Variants in DOC2B observed in about 807,000 individuals in gnomAD.
The protein encoded by DOC2B is double C2-like domain-containing protein beta.
A neutral mutation model predicts 28.9 loss-of-function variants in DOC2B; 21 were observed. The observed-to-expected ratio is 0.73, with a 90% CI of 0.52 to 1.05. DOC2B has a LOEUF of 1.05. Ranked by LOEUF, DOC2B falls within the 50% of genes least tolerant of loss-of-function variation. The probability of loss-of-function intolerance (pLI) is 0.00; values close to 1 mark genes in which losing one functional copy is unlikely to be tolerated. For missense variants in DOC2B, 384 were observed against 421.1 expected, an observed-to-expected ratio of 0.91 and a Z score of 0.77; for synonymous variants, 194 against 178.1, an observed-to-expected ratio of 1.09 and a Z score of -0.71.
At chr17:149,029 T>C (rs964805222) in intron 7 of DOC2B, 82 bp downstream of exon 7, 14 of 325,492 alleles carry the variant, frequency 4.3e-5, no homozygotes, top group Admixed American at 2.9e-4. Flanking sequence ...CATCCCGCCA[T>C]GACCTTTTGA....
Position 181,109 on chromosome 17 carries a change from C to A in DOC2B, c.371G>T (p.Cys124Phe). ...AAGTCGGCGCGTGGGAAACTTACTG[C>A]AGTCGTCCGACTCGTAGCCGTCGGC... Reference protein sequence around the residue: ...PDADGYESDDCTALGTLDFSL... With the variant: ...PDADGYESDDFTALGTLDFSL... Residue 124 changes from cysteine to phenylalanine, a missense_variant and splice_region_variant, in exon 1 of 9, where the codon TGC becomes TTC. Physicochemically the swap from Cys to Phe is radical, Grantham distance 205 (BLOSUM62 -2). Transcript: ENST00000613549. This position sits in a 1 kb window ranked among gnomAD's most constrained non-coding sequence, Gnocchi z 7.0. 8.0e-7 allele frequency: 1 copy of A among 1,248,336 alleles called. No homozygotes were observed. The highest frequency in any genetic ancestry group is 1.0e-6 in the Non-Finnish European group (1 of 995,698). 77.3% of individuals were successfully genotyped at this position (1,248,336 alleles called of 1,614,324 possible). A position where few individuals can be genotyped will look rare whatever the true frequency, so the allele number is the denominator to read the frequency against.
At chr17:151,155 C>T (rs984506843) in intron 6 of DOC2B, among the ~76,000 whole-genome samples, 2 of 152,096 alleles carry the variant, frequency 1.3e-5, no homozygotes, top group Admixed American at 1.3e-4. Context: ...CCTGTAGTCC[C>T]AGCTATTCAC....
Position 144,081 on chromosome 17 carries a change from G to T in DOC2B, c.*3360C>A. On this transcript the variant is annotated 3_prime_UTR_variant, in exon 9 of 9. Transcript: ENST00000613549. ...GGGGATTGGCGCAGGCGGCGGGCGG[G>T]GCGGCGGGCGGGGCGGCGGGCGGGG... 8.5e-5 allele frequency: 1 copy of T among 11,730 alleles called. No homozygotes were observed. The highest frequency in any genetic ancestry group is 9.6e-4 in the South Asian group (1 of 1,046). 0.7% of individuals were successfully genotyped at this position (11,730 alleles called of 1,614,324 possible). A position where few individuals can be genotyped will look rare whatever the true frequency, so the allele number is the denominator to read the frequency against.
intron 5 of DOC2B, among the ~76,000 whole-genome samples, chr17:159,263 G>A (rs898244132): frequency 1.3e-5 from 2 of 152,170 alleles, no homozygotes. Context: ...GGCCGAGGCA[G>A]GAGGATCACT....
In DOC2B at chr17:162,116, C is replaced by T; in HGVS notation, c.603G>A (p.Gly201=). The T allele has an allele frequency of 6.4e-7, 1 of 1,551,848 alleles. No individual in the cohort carries two copies. Among genetic ancestry groups the T allele is most frequent in the Non-Finnish European group, 8.7e-7 (1 of 1,147,012 alleles). ...TGCGGATCATGTCTTCATCTGTGAT[C>T]CCGTAGTAAGTGAGGGTCTCGTTCC... ...PTWNETLTYY[G]ITDEDMIRKT... is the part of the protein sequence containing the mutation. The change falls in exon 4 of 9, where the codon GGG becomes GGA. Residue 201 remains glycine, a synonymous_variant. Coordinates refer to ENST00000613549, the MANE Select transcript of DOC2B (RefSeq NM_003585.5).
Position 172,588 on chromosome 17 carries a change from C to T in DOC2B, c.402G>A (p.Leu134=). 3 of 1,551,024 alleles carry T rather than the reference C, an allele frequency of 1.9e-6. No individual in the cohort carries two copies. Among genetic ancestry groups the T allele is most frequent in the Non-Finnish European group, 2.6e-6 (3 of 1,146,592 alleles). The stretch of plus-strand genomic sequence containing the variant: ...GGGCGTTGTTCTCCTGGTCATACAG[C>T]AGGCTGAAGTCCAGCGTGCCCAGGG... ...CTALGTLDFS[L]LYDQENNALH... The change falls in exon 2 of 9, where the codon CTG becomes CTA. Residue 134 remains leucine (L), a synonymous_variant. Transcript: ENST00000613549.
At chr17:165,309 CTG>C (rs778342966) in intron 2 of DOC2B, among the ~76,000 whole-genome samples, 20 of 151,696 alleles carry the variant, frequency 1.3e-4, no homozygotes, top group Non-Finnish European at 2.5e-4. Context: ...CAGTAAGACC[CTG>C]TCTCTTCAAA....
At chr17:173,356 G>A (rs928289366) in intron 1 of DOC2B, among the ~76,000 whole-genome samples, 1 of 152,156 alleles carries the variant, frequency 6.6e-6, no homozygotes, top group Non-Finnish European at 1.5e-5. Context: ...TGATGGTTGG[G>A]GCAGAGCTTG....
intron 5 of DOC2B, among the ~76,000 whole-genome samples, chr17:158,333 C>A (rs2040160169): frequency 1.3e-5 from 2 of 152,038 alleles, no homozygotes; most frequent in African/African-American, 2.4e-5. Flanking sequence ...CCCCCTGGAT[C>A]CCCTTAGGAC....
Position 144,670 on chromosome 17 carries a change from C to T in DOC2B, c.*2771G>A, listed in dbSNP as rs1273538451. 1 of 152,362 alleles carries T rather than the reference C, an allele frequency of 6.6e-6. No homozygotes were observed. The highest frequency in any genetic ancestry group is 6.5e-5 in the Admixed American group (1 of 15,290). 9.4% of individuals were successfully genotyped at this position (152,362 alleles called of 1,614,324 possible). On this transcript the variant is annotated 3_prime_UTR_variant, in exon 9 of 9. Coordinates refer to ENST00000613549, the MANE Select transcript of DOC2B (RefSeq NM_003585.5). Reference sequence around the variant, plus strand: ...TCCTGCCCGAGTGCCTGTGCTGCCCCTGGGCTGGCTGGCCAGTAAGCCCGC... The same window carrying T: ...TCCTGCCCGAGTGCCTGTGCTGCCCTTGGGCTGGCTGGCCAGTAAGCCCGC...
chr17:177,273 C>T (rs905229090), intron 1 of DOC2B, among the ~76,000 whole-genome samples: 8 of 152,144 alleles, frequency 5.3e-5, no homozygotes, highest in African/African-American at 1.7e-4. Flanking sequence ...CATTCATCTG[C>T]TTTAAATTGT....
chr17:163,157 C>T (rs1178854372), intron 3 of DOC2B, among the ~76,000 whole-genome samples: 2 of 152,182 alleles, frequency 1.3e-5, no homozygotes, highest in South Asian at 4.1e-4. Flanking sequence ...TCCTACAACT[C>T]GGCAGCCATG....
At chr17:163,676 C>T (rs1555523565) in intron 3 of DOC2B, 1 of 158,122 alleles carries the variant, frequency 6.3e-6, no homozygotes, top group African/African-American at 2.4e-5. Flanking sequence ...ATTCTGCCCA[C>T]TTCATCCCCC....
At chr17:178,233 G>A (rs972652396) in intron 1 of DOC2B, among the ~76,000 whole-genome samples, 1 of 152,208 alleles carries the variant, frequency 6.6e-6, no homozygotes, top group Non-Finnish European at 1.5e-5. Flanking sequence ...AATAGGAAAC[G>A]GGCCTTGATT....
At chr17:169,958 G>A (rs2040292860) in intron 2 of DOC2B, among the ~76,000 whole-genome samples, 1 of 152,216 alleles carries the variant, frequency 6.6e-6, no homozygotes, top group Admixed American at 6.5e-5. Flanking sequence ...TACCACACAT[G>A]TACACACAGA....
intron 1 of DOC2B, among the ~76,000 whole-genome samples, chr17:179,040 C>A (rs1036494055): frequency 6.6e-6 from 1 of 152,238 alleles, no homozygotes; most frequent in Non-Finnish European, 1.5e-5. Context: ...GGATCCAAGC[C>A]TAGGGTGGGG....
At chr17:180,537 C>T (rs1325955217) in intron 1 of DOC2B, among the ~76,000 whole-genome samples, 1 of 152,142 alleles carries the variant, frequency 6.6e-6, no homozygotes, top group Non-Finnish European at 1.5e-5. Flanking sequence ...CAAGCGGCCC[C>T]GCGGTCCTCC....
At chr17:176,467 C>G (rs535240788) in intron 1 of DOC2B, among the ~76,000 whole-genome samples, 1 of 152,198 alleles carries the variant, frequency 6.6e-6, no homozygotes, top group African/African-American at 2.4e-5. Context: ...GCAATCCTCC[C>G]GCCTTCACCT....
intron 1 of DOC2B, among the ~76,000 whole-genome samples, chr17:178,910 G>T (rs963920336): frequency 3.3e-5 from 5 of 152,216 alleles, no homozygotes; most frequent in Admixed American, 6.5e-5. Flanking sequence ...CAGCCCAGAG[G>T]GGGGCACCGC....
Sources: allele counts gnomAD v4.1 joint callset (sites outside exome capture counted in the v4.1 genomes callset), GRCh38; gene constraint gnomAD v4.1.1; non-coding constraint Gnocchi (gnomAD v3.1); transcripts MANE v1.5; gene names NCBI Gene and HGNC (gene_info 2026-07-23, HGNC 2026-07-21).